Variants in ERC2 observed in about 807,000 individuals in gnomAD.
ERC2 encodes the protein ELKS/RAB6-interacting/CAST family member 2.
In ERC2, 42 loss-of-function variants were observed where a neutral mutation model predicts 114.8. The ratio of observed to expected loss-of-function variants is 0.37; its 90% CI spans 0.29 to 0.47. ERC2 has a LOEUF of 0.47. ERC2 is among the 20% of genes least tolerant of loss of function. The pLI is 0.99. For synonymous variants in ERC2, 454 were observed against 425.5 expected (o/e 1.07, Z -0.82); for missense variants, 939 against 1,150.7 (o/e 0.82, Z 2.66).
Position 55,824,987 on chromosome 3 carries a change from A to G in ERC2, c.2564+63402T>C, listed in dbSNP as rs1575728446. ...AAATAACTCATTTTTCCCCTTAATC[A>G]TCACTATTTTATGATGATTTACCAC... On this transcript the variant is annotated intron_variant, in intron 14 of 17. Transcript: ENST00000288221. Among the ~76,000 whole-genome samples, 3 of 152,258 alleles carry G rather than the reference A, an allele frequency of 2.0e-5. No individual in the cohort carries two copies. In the Middle Eastern group the frequency reaches 0.01, roughly 518 times the overall value.
chr3:56,286,895 T>A (rs2054760920), intron 3 of ERC2, among the ~76,000 whole-genome samples: 1 of 152,258 alleles, frequency 6.6e-6, no homozygotes, highest in Admixed American at 6.5e-5. Context: ...TCTTTTTCCT[T>A]TTTCTACAAA....
At chr3:55,592,266 A>C (rs1342442289) in intron 17 of ERC2, among the ~76,000 whole-genome samples, 1 of 152,318 alleles carries the variant, frequency 6.6e-6, no homozygotes. Flanking sequence ...TTGCTCATTC[A>C]TTCCATTTTT....
chr3:56,269,477 C>T (rs2053521861), intron 3 of ERC2, among the ~76,000 whole-genome samples: 1 of 152,046 alleles, frequency 6.6e-6, no homozygotes, highest in Non-Finnish European at 1.5e-5. Context: ...TAACTCCCAG[C>T]CTAAAGAAAA....
intron 3 of ERC2, among the ~76,000 whole-genome samples, chr3:56,197,615 AC>A (rs2048182554): frequency 6.6e-6 from 1 of 151,948 alleles, no homozygotes; most frequent in African/African-American, 2.4e-5. Context: ...TCATGAAACA[AC>A]TCCTCCACTT....
intron 16 of ERC2, among the ~76,000 whole-genome samples, chr3:55,685,660 A>G (rs1031799674): frequency 3.9e-5 from 6 of 152,192 alleles, no homozygotes; most frequent in African/African-American, 4.8e-5. Flanking sequence ...GTGTGCAAAT[A>G]TATGTCTCTG....
intron 2 of ERC2, among the ~76,000 whole-genome samples, chr3:56,421,168 T>C (rs1401646005): frequency 6.6e-6 from 1 of 152,206 alleles, no homozygotes; most frequent in African/African-American, 2.4e-5. Flanking sequence ...TGGCTAGTTA[T>C]AGACAGAAGT....
At chr3:55,702,762 A>C (rs1232848020) in intron 15 of ERC2, among the ~76,000 whole-genome samples, 1 of 152,200 alleles carries the variant, frequency 6.6e-6, no homozygotes, top group Non-Finnish European at 1.5e-5. Flanking sequence ...AATGGTCCAC[A>C]GCCCTGTAGC....
At chr3:56,409,496 A>G (rs553682812) in intron 2 of ERC2, among the ~76,000 whole-genome samples, 1 of 151,038 alleles carries the variant, frequency 6.6e-6, no homozygotes, top group African/African-American at 2.4e-5. Flanking sequence ...CATACCAATT[A>G]TACCAAACTA....
In ERC2 at chr3:56,195,608, T is replaced by C. The variant is rs539916993; in HGVS notation, c.1075-22088A>G. 4.0e-5 allele frequency among the ~76,000 whole-genome samples: 6 copies of C among 151,766 alleles called. No homozygotes were observed. The South Asian group carries it at 1.3e-3, about 32-fold the overall frequency. On this transcript the variant is annotated intron_variant, in intron 3 of 17. Coordinates refer to ENST00000288221, the MANE Select transcript of ERC2 (RefSeq NM_015576.3). ...ACTTTGGGGAGTAGAGGTGGGAGGA[T>C]TGCTGGAGTCCAGGAGTTCAAGACC...
intron 14 of ERC2, among the ~76,000 whole-genome samples, chr3:55,833,588 C>T (rs1311806530): frequency 2.6e-5 from 4 of 152,114 alleles, no homozygotes; most frequent in Non-Finnish European, 5.9e-5. Flanking sequence ...CAGGCCTGCC[C>T]TAAAAGAGCT....
intron 12 of ERC2, among the ~76,000 whole-genome samples, chr3:55,973,132 T>C (rs2069302162): frequency 6.6e-6 from 1 of 152,204 alleles, no homozygotes; most frequent in African/African-American, 2.4e-5. Context: ...GGGTGTTGCC[T>C]CACTGATTTT....
chr3:56,230,544 G>A (rs2050552910), intron 3 of ERC2, among the ~76,000 whole-genome samples: 1 of 152,054 alleles, frequency 6.6e-6, no homozygotes, highest in South Asian at 2.1e-4. Flanking sequence ...ACAGACATGA[G>A]CCGCCACAGT....
intron 14 of ERC2, among the ~76,000 whole-genome samples, chr3:55,757,988 C>T (rs902703560): frequency 2.6e-5 from 4 of 151,704 alleles, no homozygotes; most frequent in East Asian, 1.9e-4. Flanking sequence ...ATTCAAATAA[C>T]GATAGAGCCC....
At chr3:55,671,487 A>T (rs536114332) in intron 17 of ERC2, among the ~76,000 whole-genome samples, 10 of 152,330 alleles carry the variant, frequency 6.6e-5, no homozygotes, top group African/African-American at 2.2e-4. Flanking sequence ...TCATCGGCAC[A>T]GGAGAGGAAA....
chr3:56,355,936 G>A (rs935964784), intron 2 of ERC2, among the ~76,000 whole-genome samples: 5 of 152,190 alleles, frequency 3.3e-5, no homozygotes, highest in Non-Finnish European at 7.3e-5. Context: ...CAGGGTCTCT[G>A]AAATTCCTCA....
chr3:55,869,138 A>G (rs2062454749), intron 14 of ERC2, among the ~76,000 whole-genome samples: 1 of 152,184 alleles, frequency 6.6e-6, no homozygotes, highest in African/African-American at 2.4e-5. Context: ...CATTTTGGAG[A>G]TAGCCTCTCT....
intron 14 of ERC2, among the ~76,000 whole-genome samples, chr3:55,863,423 ATTTAT>A (rs1254926825): frequency 6.6e-6 from 1 of 152,180 alleles, no homozygotes; most frequent in African/African-American, 2.4e-5. Context: ...AACTGCTGGA[ATTTAT>A]TTTGTGTGTT....
chr3:56,340,542 A>AGGTGTGTG (rs1553925436), intron 2 of ERC2, among the ~76,000 whole-genome samples: 1 of 141,416 alleles, frequency 7.1e-6, no homozygotes, highest in Non-Finnish European at 1.5e-5. Context: ...GAGAGAGTGA[A>AGGTGTGTG]TGTGTGTGTG....
intron 2 of ERC2, among the ~76,000 whole-genome samples, chr3:56,316,844 C>G (rs569191920): frequency 6.6e-6 from 1 of 152,288 alleles, no homozygotes; most frequent in Admixed American, 6.5e-5. Flanking sequence ...TACTCCCTAT[C>G]TATCAGCCAT....
Sources: allele counts gnomAD v4.1 joint callset (sites outside exome capture counted in the v4.1 genomes callset), GRCh38; gene constraint gnomAD v4.1.1; transcripts MANE v1.5; gene names NCBI Gene and HGNC (gene_info 2026-07-23, HGNC 2026-07-21).